The following LYST variants were observed in gnomAD, a reference collection of about 807,000 sequenced individuals.
LYST encodes lysosomal-trafficking regulator.
In LYST, 192 loss-of-function variants were observed where a neutral mutation model predicts 413.6. The ratio of observed to expected loss-of-function variants is 0.46; its 90% confidence interval spans 0.41 to 0.52. The LOEUF (loss-of-function observed/expected upper bound fraction) is 0.52, where lower values mean the gene tolerates loss of function less well. LYST is among the 20% of genes least tolerant of loss of function. The probability of loss-of-function intolerance (pLI) is 0.00; values close to 1 mark genes in which losing one functional copy is unlikely to be tolerated. For synonymous variants in LYST, 1,525 were observed against 1,567.3 expected (o/e 0.97, Z 0.64); for missense variants, 3,815 against 4,499.9 (o/e 0.85, Z 4.35).
In LYST at chr1:235,787,393, G is replaced by T. The variant is rs754303812; in HGVS notation, c.4689-20C>A. On this transcript the variant is annotated intron_variant, in intron 13 of 52. Transcript: ENST00000389793. ...CACACACTACAGAAAAAGAGAAAAG[G>T]CATAGGCTGAAAACATGAAAATTCT... 7.5e-6 allele frequency: 12 copies of T among 1,608,690 alleles called. No homozygotes were observed. The highest frequency in any genetic ancestry group is 1.3e-5 in the African/African-American group (1 of 74,802).
intron 28 of LYST, among the ~76,000 whole-genome samples, chr1:235,747,016 GA>G: frequency 6.6e-6 from 1 of 152,308 alleles, no homozygotes; most frequent in African/African-American, 2.4e-5. Flanking sequence ...TGAAAGTGAA[GA>G]GATCAGGAAG....
At chr1:235,748,396 C>T (rs1332734350) in intron 28 of LYST, among the ~76,000 whole-genome samples, 2 of 151,788 alleles carry the variant, frequency 1.3e-5, no homozygotes, top group East Asian at 3.9e-4. Flanking sequence ...AGCAAAAAAA[C>T]CTTTGTTTAT....
At chr1:235,873,643 A>G (rs532750695) in intron 1 of LYST, among the ~76,000 whole-genome samples, 1 of 152,342 alleles carries the variant, frequency 6.6e-6, no homozygotes, top group South Asian at 2.1e-4. Context: ...ATTGAGCATA[A>G]TTCTTAGCCA....
intron 3 of LYST, among the ~76,000 whole-genome samples, chr1:235,816,801 C>T (rs1674159910): frequency 6.6e-6 from 1 of 152,128 alleles, no homozygotes; most frequent in Non-Finnish European, 1.5e-5. Context: ...GAAATACCAT[C>T]CTGGACATAG....
At chr1:235,729,756 A>AAAT in intron 36 of LYST, 99 bp from the exon 37 acceptor site, 1 of 838,050 alleles carries the variant, frequency 1.2e-6, no homozygotes, top group Non-Finnish European at 2.0e-6. Flanking sequence ...TGCAAAGCAG[A>AAAT]CTAGATAGAG....
intron 34 of LYST, among the ~76,000 whole-genome samples, chr1:235,732,871 AGGCTTTTTT>A (rs1215905301): frequency 6.6e-6 from 1 of 152,202 alleles, no homozygotes; most frequent in Non-Finnish European, 1.5e-5. Context: ...ATATATTTCC[AGGCTTTTTT>A]GTTCTTGTTA....
At chr1:235,803,930 T>C (rs543923765) in intron 7 of LYST, among the ~76,000 whole-genome samples, 1 of 152,066 alleles carries the variant, frequency 6.6e-6, no homozygotes, top group South Asian at 2.1e-4. Flanking sequence ...AAAGGTAAAA[T>C]AAACATAAAA....
intron 22 of LYST, among the ~76,000 whole-genome samples, chr1:235,762,196 G>A (rs1188796156): frequency 6.6e-6 from 1 of 152,166 alleles, no homozygotes; most frequent in Non-Finnish European, 1.5e-5. Context: ...ATTTGAAAAT[G>A]TTTCAGAGTG....
At chr1:235,867,178 G>T (rs1680658314), upstream of LYST, among the ~76,000 whole-genome samples, 1 of 152,240 alleles carries the variant, frequency 6.6e-6, no homozygotes, top group Admixed American at 6.5e-5. Flanking sequence ...GGGTTTCTCA[G>T]CGGTCGGGGG....
chr1:235,768,561 A>C (rs1043015995), intron 20 of LYST, among the ~76,000 whole-genome samples: 4 of 152,128 alleles, frequency 2.6e-5, no homozygotes. Flanking sequence ...TTAATTTGAT[A>C]AGTGGGCTCT....
intron 1 of LYST, among the ~76,000 whole-genome samples, chr1:235,849,042 A>G (rs1678220495): frequency 6.6e-6 from 1 of 152,150 alleles, no homozygotes; most frequent in Non-Finnish European, 1.5e-5. Flanking sequence ...CTAATATCAA[A>G]ACCAGGAAAG....
intron 1 of LYST, among the ~76,000 whole-genome samples, chr1:235,843,645 G>A (rs530872464): frequency 6.6e-6 from 1 of 151,684 alleles, no homozygotes; most frequent in East Asian, 1.9e-4. Context: ...GGAAAATGAT[G>A]TTCTGTTTCA....
At chr1:235,852,166 T>C (rs1019704140) in intron 1 of LYST, among the ~76,000 whole-genome samples, 1 of 152,168 alleles carries the variant, frequency 6.6e-6, no homozygotes. Flanking sequence ...GATACTAACA[T>C]TGGGACAGCT....
intron 18 of LYST, 122 bp from the exon 19 acceptor site, chr1:235,774,113 T>C: frequency 1.4e-6 from 1 of 707,912 alleles, no homozygotes; most frequent in Non-Finnish European, 2.5e-6. Flanking sequence ...GTAAATAATT[T>C]AACACTTCAC....
chr1:235,878,053 C>T, intron 1 of LYST, among the ~76,000 whole-genome samples: 1 of 152,138 alleles, frequency 6.6e-6, no homozygotes, highest in Non-Finnish European at 1.5e-5. Flanking sequence ...GAAAGGGCCT[C>T]AAATATGCAA....
At chr1:235,758,725 C>T (rs1667278589) in intron 23 of LYST, among the ~76,000 whole-genome samples, 1 of 152,058 alleles carries the variant, frequency 6.6e-6, no homozygotes, top group Admixed American at 6.6e-5. Context: ...AGGAATTAAA[C>T]CACAATATAT....
chr1:235,809,720 G>C lies in LYST; in HGVS notation c.1098C>G (p.Cys366Trp). The change falls in exon 5 of 53, where the codon TGC becomes TGG. Residue 366 changes from cysteine to tryptophan, a missense_variant. Cys to Trp is a radical substitution (Grantham distance 215). Around this residue, in one of 4 missense-constraint regions of LYST, gnomAD observed 1,648 missense variants for 1,810.3 expected, o/e 0.91. Coordinates refer to ENST00000389793, the MANE Select transcript of LYST (RefSeq NM_000081.4). The surrounding 1 kb of genome is among the most constrained non-coding windows in gnomAD (Gnocchi z 4.0). ...CAAAAGGGTCAGGCTGCTTTTCTAG[G>C]CATATTCTAATTTTTAAAGCTGCTC... Reference protein sequence around the residue: ...LLRAALKIRICLEKQPDPFAP... With the variant: ...LLRAALKIRIWLEKQPDPFAP... 6.2e-7 allele frequency: 1 copy of C among 1,613,542 alleles called. No individual in the cohort carries two copies. The highest frequency in any genetic ancestry group is 1.1e-5 in the South Asian group (1 of 91,020).
At position 235,731,160 on chromosome 1, in the gene LYST, G is replaced by C; in HGVS notation, c.8819C>G (p.Pro2940Arg). ...CTGCCATGAGGTTGGATAGTAGATGGGGTCATACCATACTGCTCTGCAAGT... is the reference window on the plus strand; with the variant it reads ...CTGCCATGAGGTTGGATAGTAGATGCGGTCATACCATACTGCTCTGCAAGT... The part of the protein sequence containing the change: ...LTHDRAVWYD[P>R]IYYPTSWQLD... The change falls in exon 35 of 53, where the codon CCC (proline) becomes CGC (arginine). Residue 2940 changes from proline (P) to arginine (R), a missense_variant. Physicochemically the swap from Pro to Arg is moderately radical, Grantham distance 103. This residue lies in a region of LYST where 866 missense variants were observed against 1,156.0 expected (regional missense o/e 0.75). Transcript: ENST00000389793. The C allele has an allele frequency of 2.5e-6, 4 of 1,613,944 alleles. No individual in the cohort carries two copies. The highest frequency in any genetic ancestry group is 3.4e-6 in the Non-Finnish European group (4 of 1,179,936).
chr1:235,689,673 GCTAA>G (rs1312610774), intron 47 of LYST, among the ~76,000 whole-genome samples: 5 of 152,162 alleles, frequency 3.3e-5, no homozygotes, highest in Admixed American at 3.3e-4. Flanking sequence ...CGTAAAAAAT[GCTAA>G]CTATGTGAGG....
Sources: allele counts gnomAD v4.1 joint callset (sites outside exome capture counted in the v4.1 genomes callset), GRCh38; gene constraint gnomAD v4.1.1; regional missense constraint gnomAD v4.1.1; non-coding constraint Gnocchi (gnomAD v3.1); transcripts MANE v1.5; gene names NCBI Gene and HGNC (gene_info 2026-07-23, HGNC 2026-07-21).